Variants in KRABD3 observed in about 807,000 individuals in gnomAD.
The protein encoded by KRABD3 is KRAB domain containing 3.
the KRABD3 span, chr7:149,719,732 C>T: frequency 2.1e-4 from 322 of 1,551,550 alleles, no homozygotes; most frequent in Middle Eastern, 3.8e-3. This position sits in a 1 kb window ranked among gnomAD's most constrained non-coding sequence, Gnocchi z 5.6. Flanking sequence ...GAAGGGAGGC[C>T]GGAGTCCCTG....
the KRABD3 span, chr7:149,722,888 C>T: frequency 6.2e-7 from 1 of 1,613,654 alleles, no homozygotes; most frequent in South Asian, 1.1e-5. Flanking sequence ...TTCTTGCCAC[C>T]TCTCCCTAGC....
At chr7:149,719,564 G>A in the KRABD3 span, 2 of 1,595,898 alleles carry the variant, frequency 1.3e-6, no homozygotes, top group East Asian at 2.3e-5. The surrounding 1 kb of genome is among the most constrained non-coding windows in gnomAD (Gnocchi z 5.6). Flanking sequence ...CACCTTCAAG[G>A]ACTTGGCCGT....
the KRABD3 span, among the ~76,000 whole-genome samples, chr7:149,726,924 A>C: frequency 1.1e-4 from 17 of 152,074 alleles, no homozygotes; most frequent in Non-Finnish European, 2.2e-4. Context: ...TAAATACATA[A>C]AAATTTCCTT....
At chr7:149,730,906 A>G in the KRABD3 span, among the ~76,000 whole-genome samples, 2 of 152,228 alleles carry the variant, frequency 1.3e-5, no homozygotes, top group African/African-American at 4.8e-5. Context: ...ATCAATAACA[A>G]AAGTCTCAAA....
the KRABD3 span, chr7:149,721,357 T>G: frequency 4.5e-6 from 7 of 1,565,344 alleles, no homozygotes; most frequent in Non-Finnish European, 6.0e-6. Flanking sequence ...TACCAGTTGT[T>G]GATTCTCCCT....
the KRABD3 span, chr7:149,721,266 G>A: frequency 7.8e-7 from 1 of 1,289,146 alleles, no homozygotes; most frequent in South Asian, 1.5e-5. Flanking sequence ...CAACACATAG[G>A]TGGCTGACAT....
At chr7:149,730,610 A>G in the KRABD3 span, 1 of 1,597,102 alleles carries the variant, frequency 6.3e-7, no homozygotes, top group African/African-American at 1.3e-5. Flanking sequence ...TGCGTTCCCC[A>G]GAGGACCAGG....
At chr7:149,722,854 CG>C in the KRABD3 span, 1 of 1,613,288 alleles carries the variant, frequency 6.2e-7, no homozygotes, top group African/African-American at 1.3e-5. Context: ...GCCTGGGCCC[CG>C]GCACCCCGAG....
chr7:149,730,393 C>T, the KRABD3 span: 11 of 1,565,208 alleles, frequency 7.0e-6, no homozygotes, highest in East Asian at 2.4e-5. Flanking sequence ...GGGCGCCAGT[C>T]ACCACTCTGA....
chr7:149,723,656 A>G, the KRABD3 span: 22 of 1,467,868 alleles, frequency 1.5e-5, no homozygotes, highest in Non-Finnish European at 1.9e-5. Context: ...CGCCCTTCTA[A>G]CTTGTCCCCT....
chr7:149,726,290 T>G, the KRABD3 span, among the ~76,000 whole-genome samples: 3 of 152,200 alleles, frequency 2.0e-5, no homozygotes, highest in African/African-American at 7.2e-5. Flanking sequence ...GGACAATGTC[T>G]AAGATTTCTT....
At chr7:149,718,114 A>G in the KRABD3 span, among the ~76,000 whole-genome samples, 2 of 151,998 alleles carry the variant, frequency 1.3e-5, no homozygotes, top group Non-Finnish European at 2.9e-5. Flanking sequence ...AGTTTTTAGA[A>G]TCACTGACTT....
chr7:149,719,946 C>A, the KRABD3 span: 2 of 1,495,406 alleles, frequency 1.3e-6, no homozygotes, highest in Admixed American at 4.9e-5. This position sits in a 1 kb window ranked among gnomAD's most constrained non-coding sequence, Gnocchi z 5.6. Flanking sequence ...GGCTGCTATG[C>A]AACTGTGTGC....
At chr7:149,733,934 G>T in the KRABD3 span, 1 of 1,596,778 alleles carries the variant, frequency 6.3e-7, no homozygotes, top group East Asian at 2.3e-5. Context: ...GGCACCAGAC[G>T]GGATCCCAGA....
At chr7:149,726,097 G>C in the KRABD3 span, 1 of 1,575,468 alleles carries the variant, frequency 6.3e-7, no homozygotes, top group Non-Finnish European at 8.6e-7. Flanking sequence ...GTTCATCCTG[G>C]GAGAGGACTC....
At chr7:149,715,282 A>T in the KRABD3 span, 2 of 1,220,182 alleles carry the variant, frequency 1.6e-6, no homozygotes, top group Non-Finnish European at 2.0e-6. Context: ...ACCTGGGGAA[A>T]CCCCCTTGGC....
At chr7:149,730,250 C>T in the KRABD3 span, 1 of 1,558,128 alleles carries the variant, frequency 6.4e-7, no homozygotes, top group East Asian at 2.4e-5. Flanking sequence ...GCCCCAGCCC[C>T]AGCCCCAGCC....
At chr7:149,719,508 G>A in the KRABD3 span, 20 of 1,531,208 alleles carry the variant, frequency 1.3e-5, no homozygotes, top group Admixed American at 2.3e-5. The surrounding 1 kb of genome is among the most constrained non-coding windows in gnomAD (Gnocchi z 5.6). Context: ...TCCCCTCTGG[G>A]ATGGAACAAC....
chr7:149,719,461 C>G, the KRABD3 span: 2 of 1,431,798 alleles, frequency 1.4e-6, no homozygotes. The surrounding 1 kb of genome is among the most constrained non-coding windows in gnomAD (Gnocchi z 5.6). Flanking sequence ...GCCTGGAGGC[C>G]TAGGTGGGGT....
Sources: allele counts gnomAD v4.1 joint callset (sites outside exome capture counted in the v4.1 genomes callset), GRCh38; gene constraint gnomAD v4.1.1; non-coding constraint Gnocchi (gnomAD v3.1); transcripts MANE v1.5; gene names NCBI Gene and HGNC (gene_info 2026-07-23, HGNC 2026-07-21).